The following ASMT variants were observed in gnomAD, a reference collection of about 807,000 sequenced individuals.
ASMT encodes the protein acetylserotonin O-methyltransferase, also known as acetylserotonin N-methyltransferase.
ASMT carries 53 observed loss-of-function variants against 41.3 expected under a neutral mutation model. The ratio of observed to expected loss-of-function variants is 1.28; its 90% CI spans 1.03 to 1.61. The LOEUF (loss-of-function observed/expected upper bound fraction) is 1.61. ASMT is among the 40% of genes most tolerant of loss of function. The probability of loss-of-function intolerance (pLI) is 0.00; values close to 1 mark genes in which losing one functional copy is unlikely to be tolerated. For missense variants in ASMT, 531 were observed against 441.3 expected (o/e 1.20, Z -1.82); for synonymous variants, 231 against 184.8 (o/e 1.25, Z -2.03).
chrX:1,633,748 C>T (rs1216839071), intron 7 of ASMT, among the ~76,000 whole-genome samples: 2 of 151,844 alleles, frequency 1.3e-5, no homozygotes, highest in African/African-American at 4.8e-5. Context: ...ACACCATTCT[C>T]CTGCCTCAGC....
At chrX:1,615,331 G>C (rs1350069558) in intron 1 of ASMT, 63 bp downstream of exon 1, 2 of 1,442,434 alleles carry the variant, frequency 1.4e-6, no homozygotes, top group Admixed American at 2.0e-5. Flanking sequence ...ACGTTCCATT[G>C]TTGTGTCAGT....
intron 5 of ASMT, among the ~76,000 whole-genome samples, chrX:1,632,418 G>A (rs756998007): frequency 2.3e-4 from 35 of 152,288 alleles, no homozygotes; most frequent in African/African-American, 7.0e-4. Flanking sequence ...TTGGGAGGCC[G>A]AGATGGGCGG....
chrX:1,616,105 T>C (rs771928753), intron 1 of ASMT, among the ~76,000 whole-genome samples: 12 of 151,474 alleles, frequency 7.9e-5, no homozygotes, highest in Admixed American at 2.6e-4. Flanking sequence ...CTTGGCTCAC[T>C]GCAACCTCCG....
chrX:1,626,685 A>C (rs1389743771), intron 3 of ASMT, among the ~76,000 whole-genome samples: 3 of 152,192 alleles, frequency 2.0e-5, no homozygotes, highest in Non-Finnish European at 4.4e-5. Flanking sequence ...AATTTGGGCA[A>C]GGAAGAAAAA....
intron 5 of ASMT, 149 bp downstream of exon 5, chrX:1,630,088 G>A (rs1249742915): frequency 3.8e-6 from 3 of 796,160 alleles, no homozygotes; most frequent in Non-Finnish European, 6.8e-6. Context: ...CCAGCACTGG[G>A]CACTTCCTAG....
chrX:1,642,863 C>T lies in ASMT; in HGVS notation c.971C>T (p.Thr324Met), dbSNP rs752176281. 240 of 1,613,842 alleles carry T rather than the reference C, an allele frequency of 1.5e-4. No homozygotes were observed. Among genetic ancestry groups the T allele is most frequent in the East Asian group, 2.0e-4 (9 of 44,902 alleles). ...LDEDRRGPLL[T>M]QLYSLNMLVQ... ...GAAGACAGGCGAGGTCCTCTGCTCA[C>T]GCAGCTCTACTCTCTGAACATGCTT... The change falls in exon 9 of 9, where the codon ACG (threonine) becomes ATG (methionine). Residue 324 changes from threonine to methionine, a missense_variant. Physicochemically the swap from Thr to Met is moderately conservative, Grantham distance 81 (BLOSUM62 -1). Coordinates refer to ENST00000381241, the MANE Select transcript of ASMT (RefSeq NM_001171038.2).
intron 8 of ASMT, among the ~76,000 whole-genome samples, chrX:1,641,251 G>T (rs868659385): frequency 1.8e-4 from 1 of 5,556 alleles, no homozygotes; most frequent in Non-Finnish European, 2.8e-4. Flanking sequence ...GATGGTTCAT[G>T]AGGATGTGGG....
At chrX:1,635,404 A>G (rs1934923983) in intron 7 of ASMT, among the ~76,000 whole-genome samples, 1 of 152,170 alleles carries the variant, frequency 6.6e-6, no homozygotes, top group South Asian at 2.1e-4. Context: ...ATAAAGGGTC[A>G]GTCTTGCGTA....
In ASMT at chrX:1,616,997, T is replaced by C. The variant is rs762902484; in HGVS notation, c.69+1729T>C. ...TGCTGGGATTACAGGCGTGAGCCACTGTGCCTGGCCAAAAATATTTTAAAA... is the reference window on the plus strand; with the variant it reads ...TGCTGGGATTACAGGCGTGAGCCACCGTGCCTGGCCAAAAATATTTTAAAA... On this transcript the variant is annotated intron_variant, in intron 1 of 8. Transcript: ENST00000381241. Among the ~76,000 whole-genome samples the C allele has an allele frequency of 9.0e-3, 1,372 of 151,962 alleles. 8 individuals are homozygous for C. Among genetic ancestry groups the C allele is most frequent in the Non-Finnish European group, 0.015 (1,039 of 67,948 alleles).
chrX:1,636,042 G>A (rs1934947098), intron 7 of ASMT, among the ~76,000 whole-genome samples: 1 of 148,344 alleles, frequency 6.7e-6, no homozygotes, highest in Non-Finnish European at 1.5e-5. Flanking sequence ...TGCAAGCTCC[G>A]CCTCCCGGGT....
At chrX:1,630,913 A>ATTTT in intron 5 of ASMT, among the ~76,000 whole-genome samples, 1 of 136,116 alleles carries the variant, frequency 7.3e-6, no homozygotes, top group African/African-American at 2.8e-5. Flanking sequence ...GTATTTATTT[A>ATTTT]TTTATTTTTT....
intron 3 of ASMT, 148 bp from the exon 4 acceptor site, chrX:1,627,555 A>C: frequency 1.2e-6 from 1 of 831,914 alleles, no homozygotes; most frequent in Non-Finnish European, 2.1e-6. Flanking sequence ...CAGAAGGCAG[A>C]GGTTGCAGTG....
chrX:1,617,034 G>T (rs1934158698), intron 1 of ASMT, among the ~76,000 whole-genome samples: 1 of 152,050 alleles, frequency 6.6e-6, no homozygotes. Context: ...TTAGCCAGGT[G>T]GGGTGGTGCA....
Position 1,630,000 on chromosome X carries a change from G to A in ASMT, c.562+61G>A, listed in dbSNP as rs188999268. The A allele has an allele frequency of 4.6e-4, 630 of 1,362,014 alleles. 4 individuals carry two copies. The African/African-American group carries it at 7.6e-3, about 16-fold the overall frequency. The allele number at this position is 1,362,014 out of a possible 1,614,324, so 84.4% of individuals were successfully genotyped here. A position where few individuals can be genotyped will look rare whatever the true frequency, so the allele number is the denominator to read the frequency against. On this transcript the variant is annotated intron_variant, in intron 5 of 8. Coordinates refer to ENST00000381241, the MANE Select transcript of ASMT (RefSeq NM_001171038.2). ...GGCTTCTGTTCTGTATGGGGAATGT[G>A]TTATTCATGTCTTTTATTTTCTGCA...
intron 1 of ASMT, among the ~76,000 whole-genome samples, chrX:1,621,864 T>TTTG (rs1434377682): frequency 6.7e-6 from 1 of 149,722 alleles, no homozygotes; most frequent in Non-Finnish European, 1.5e-5. Context: ...CCAGGCTAAT[T>TTTG]TTGTATTTTT....
Position 1,623,131 on chromosome X carries a change from G to T in ASMT, c.70-8G>T, listed in dbSNP as rs1934394806. 6.2e-7 allele frequency: 1 copy of T among 1,612,130 alleles called. No homozygotes were observed. Among genetic ancestry groups the T allele is most frequent in the Non-Finnish European group, 8.5e-7 (1 of 1,179,818 alleles). Reference sequence around the variant, plus strand: ...GCCCTGACCTTTTATTTCCGCTCCTGCTCCAAGGTTCTCTTCGCCGCCTGC... The same window carrying T: ...GCCCTGACCTTTTATTTCCGCTCCTTCTCCAAGGTTCTCTTCGCCGCCTGC... On this transcript the variant is annotated splice_region_variant and splice_polypyrimidine_tract_variant and intron_variant, in intron 1 of 8. Coordinates refer to ENST00000381241, the MANE Select transcript of ASMT (RefSeq NM_001171038.2).
intron 8 of ASMT, among the ~76,000 whole-genome samples, chrX:1,641,306 G>C: frequency 2.1e-5 from 1 of 48,260 alleles, no homozygotes. Flanking sequence ...CAGCTCTCCT[G>C]TGAGGTCCAC....
At chrX:1,617,924 A>G (rs1410987189) in intron 1 of ASMT, among the ~76,000 whole-genome samples, 1 of 152,070 alleles carries the variant, frequency 6.6e-6, no homozygotes, top group Non-Finnish European at 1.5e-5. Context: ...TGAAGGGAAC[A>G]CCACATCTTA....
At chrX:1,615,656 G>C (rs1407510709) in intron 1 of ASMT, among the ~76,000 whole-genome samples, 2 of 151,892 alleles carry the variant, frequency 1.3e-5, no homozygotes, top group African/African-American at 4.8e-5. Flanking sequence ...TACAAAATTA[G>C]CCAGGCTTGG....
Sources: gnomAD v4.1 joint callset for allele counts (sites outside exome capture counted in the v4.1 genomes callset) on GRCh38, gnomAD v4.1.1 for gene constraint, MANE v1.5 for transcripts, NCBI Gene and HGNC (gene_info 2026-07-23, HGNC 2026-07-21) for gene names.